Variants in USH2A observed in about 807,000 individuals in gnomAD.
USH2A encodes Usher syndrome 2A (autosomal recessive, mild).
Under a neutral mutation model 538.9 loss-of-function variants are expected in USH2A, and 443 were observed. The ratio of observed to expected loss-of-function variants is 0.82; its 90% CI spans 0.76 to 0.89. The LOEUF is 0.89. USH2A is among the 40% of genes least tolerant of loss of function. The pLI is 0.00. For synonymous variants in USH2A, 2,413 were observed against 2,273.5 expected, an observed-to-expected ratio of 1.06 and a Z score of -1.75; for missense variants, 6,633 against 6,324.8, an observed-to-expected ratio of 1.05 and a Z score of -1.65.
At chr1:215,965,925 A>T (rs1006683541) in intron 36 of USH2A, among the ~76,000 whole-genome samples, 5 of 77,200 alleles carry the variant, frequency 6.5e-5, no homozygotes, top group Non-Finnish European at 5.1e-5. Flanking sequence ...CTTCTCTGTC[A>T]CACACACACA....
At chr1:215,791,167 C>T (rs1326661439) in intron 50 of USH2A, among the ~76,000 whole-genome samples, 1 of 152,230 alleles carries the variant, frequency 6.6e-6, no homozygotes, top group African/African-American at 2.4e-5. Flanking sequence ...ATTAACACTA[C>T]TCTAGAGACA....
chr1:216,186,895 C>T (rs1242992599), intron 20 of USH2A, among the ~76,000 whole-genome samples: 2 of 151,774 alleles, frequency 1.3e-5, no homozygotes, highest in South Asian at 2.1e-4. Flanking sequence ...TTCTTTCAAT[C>T]TTCACTTCTA....
intron 21 of USH2A, among the ~76,000 whole-genome samples, chr1:216,143,499 T>C: frequency 6.6e-6 from 1 of 152,192 alleles, no homozygotes. Context: ...TTTGAGATGA[T>C]GAAAAATATA....
At chr1:215,720,549 G>A (rs537401975) in intron 61 of USH2A, among the ~76,000 whole-genome samples, 1 of 152,304 alleles carries the variant, frequency 6.6e-6, no homozygotes, top group Non-Finnish European at 1.5e-5. Context: ...CATCCAGCAT[G>A]ATAGGTCAAG....
At chr1:215,805,093 A>C (rs1445016512) in intron 49 of USH2A, among the ~76,000 whole-genome samples, 1 of 151,846 alleles carries the variant, frequency 6.6e-6, no homozygotes, top group Non-Finnish European at 1.5e-5. Context: ...ATGAGAACAC[A>C]TGGACACAGG....
At chr1:215,828,927 A>T (rs78863646) in intron 47 of USH2A, among the ~76,000 whole-genome samples, 2,163 of 152,270 alleles carry the variant, frequency 0.014, 58 homozygotes, top group African/African-American at 0.05. Context: ...TCATATTTCT[A>T]TCAAAGCCAG....
intron 11 of USH2A, among the ~76,000 whole-genome samples, chr1:216,285,991 C>T (rs2036875572): frequency 6.6e-6 from 1 of 152,084 alleles, no homozygotes; most frequent in Admixed American, 6.5e-5. Context: ...GGCTTGTAGG[C>T]AGAAGGGACA....
rs150925971 is a variant in USH2A, at chr1:215,767,664, G to A, written c.10940-876C>T. Among the ~76,000 whole-genome samples the A allele has an allele frequency of 3.8e-3, 581 of 152,268 alleles. 1 individual carries two copies. The highest frequency in any genetic ancestry group is 0.024 in the Middle Eastern group (7 of 294). Reference sequence around the variant, plus strand: ...ATTGTTAGATTTCGCTGCTCTGTGCGTGGCTGGTGACCTTGTTAGAGTTAC... The same window carrying A: ...ATTGTTAGATTTCGCTGCTCTGTGCATGGCTGGTGACCTTGTTAGAGTTAC... On this transcript the variant is annotated intron_variant, in intron 55 of 71. Coordinates refer to ENST00000307340, the MANE Select transcript of USH2A (RefSeq NM_206933.4).
chr1:216,245,502 AG>A lies in USH2A; in HGVS notation c.2809+1082del, dbSNP rs1199548246. 5.3e-4 allele frequency among the ~76,000 whole-genome samples: 80 copies of A among 151,780 alleles called. 1 individual carries two copies. Among genetic ancestry groups the A allele is most frequent in the Non-Finnish European group, 9.4e-4 (64 of 67,902 alleles). On this transcript the variant is annotated intron_variant, in intron 13 of 71. Transcript: ENST00000307340. ...GAGAGAGAGAGAGAGAGAGAGAGAG[AG>A]AGAGAGAGAGAGAGACAAATGAATA...
chr1:216,174,751 A>C, intron 21 of USH2A: 1 of 995,616 alleles, frequency 1.0e-6, no homozygotes, highest in Non-Finnish European at 1.2e-6. Flanking sequence ...ACAGTGAAAA[A>C]AAGAAGAAGG....
intron 49 of USH2A, among the ~76,000 whole-genome samples, chr1:215,810,172 A>G (rs1392796819): frequency 2.0e-5 from 3 of 152,198 alleles, no homozygotes; most frequent in African/African-American, 4.8e-5. Flanking sequence ...GGTTTGGTAG[A>G]TATTAAAATG....
In USH2A at chr1:215,974,448, A is replaced by C. The variant is rs115502708; in HGVS notation, c.6806-3672T>G. Among the ~76,000 whole-genome samples the C allele has an allele frequency of 9.6e-3, 1,467 of 152,262 alleles. 30 individuals are homozygous for C. Among genetic ancestry groups the C allele is most frequent in the African/African-American group, 0.034 (1,410 of 41,556 alleles). ...TGGGATGTGAATGATCCCATCACCC[A>C]GATAGTGAGCATAGTACCCAACAGT... On this transcript the variant is annotated intron_variant, in intron 35 of 71. Transcript: ENST00000307340.
intron 49 of USH2A, among the ~76,000 whole-genome samples, chr1:215,809,402 T>A (rs1413475202): frequency 6.6e-6 from 1 of 152,044 alleles, no homozygotes; most frequent in Non-Finnish European, 1.5e-5. Flanking sequence ...ATTTTAGCTA[T>A]GTCTTTCTGA....
chr1:216,145,710 G>T (rs892882515), intron 21 of USH2A, among the ~76,000 whole-genome samples: 3 of 152,090 alleles, frequency 2.0e-5, no homozygotes, highest in Non-Finnish European at 2.9e-5. Context: ...AATATGTCCT[G>T]CCCCACCTTA....
In USH2A at chr1:216,200,135, A is replaced by G. The variant is rs80029092; in HGVS notation, c.3317-14T>C. The G allele has an allele frequency of 1.6e-5, 18 of 1,091,926 alleles. No homozygotes were observed. Among genetic ancestry groups the G allele is most frequent in the Non-Finnish European group, 2.2e-5 (17 of 774,516 alleles). The allele number at this position is 1,091,926 out of a possible 1,614,324, so 67.6% of individuals were successfully genotyped here. A position where few individuals can be genotyped will look rare whatever the true frequency, so the allele number is the denominator to read the frequency against. On this transcript the variant is annotated splice_polypyrimidine_tract_variant and intron_variant, in intron 16 of 71. Coordinates refer to ENST00000307340, the MANE Select transcript of USH2A (RefSeq NM_206933.4). ...AGTATTGAATACCTGAAATGAAAAG[A>G]AAAAAAAAAAACAAAGTTACATTTC...
chr1:215,909,482 G>A (rs1165369162), intron 38 of USH2A, among the ~76,000 whole-genome samples: 4 of 151,942 alleles, frequency 2.6e-5, no homozygotes, highest in Non-Finnish European at 4.4e-5. Context: ...GGTCCACTCT[G>A]TGGAAGAGGA....
chr1:215,709,048 T>G (rs1220534480), intron 61 of USH2A, among the ~76,000 whole-genome samples: 1 of 152,198 alleles, frequency 6.6e-6, no homozygotes, highest in Non-Finnish European at 1.5e-5. Context: ...TTCTCCTTCC[T>G]TCAAGCTCCT....
At chr1:216,046,967 G>C (rs1291537603) in intron 31 of USH2A, among the ~76,000 whole-genome samples, 1 of 152,160 alleles carries the variant, frequency 6.6e-6, no homozygotes, top group Non-Finnish European at 1.5e-5. Flanking sequence ...GGTGAATGTG[G>C]TTCATAATAT....
At chr1:216,269,085 A>C (rs983357800) in intron 11 of USH2A, among the ~76,000 whole-genome samples, 2 of 152,102 alleles carry the variant, frequency 1.3e-5, no homozygotes, top group African/African-American at 4.8e-5. Context: ...TTGACAGAAG[A>C]AGAATTTAAA....
Sources: allele counts gnomAD v4.1 joint callset (sites outside exome capture counted in the v4.1 genomes callset), GRCh38; gene constraint gnomAD v4.1.1; transcripts MANE v1.5; gene names NCBI Gene and HGNC (gene_info 2026-07-23, HGNC 2026-07-21).